The following CNTNAP2 variants were observed in gnomAD, a reference collection of about 807,000 sequenced individuals.
CNTNAP2 encodes the protein contactin-associated protein-like 2.
A neutral mutation model predicts 155.2 loss-of-function variants in CNTNAP2; 98 were observed. The observed-to-expected ratio is 0.63, with a 90% CI of 0.54 to 0.75. The LOEUF (loss-of-function observed/expected upper bound fraction) is 0.75. CNTNAP2 is among the 30% of genes least tolerant of loss of function. CNTNAP2 has a pLI of 0.00. For missense variants in CNTNAP2, 1,727 were observed against 1,688.1 expected (o/e 1.02, Z -0.40); for synonymous variants, 651 against 631.2 (o/e 1.03, Z -0.47).
chr7:147,395,992 T>C (rs527300572), intron 10 of CNTNAP2, among the ~76,000 whole-genome samples: 2 of 149,596 alleles, frequency 1.3e-5, no homozygotes, highest in Non-Finnish European at 1.5e-5. Flanking sequence ...ATATCTATCA[T>C]GTATATCATA....
chr7:146,428,758 A>T (rs552234992), intron 1 of CNTNAP2, among the ~76,000 whole-genome samples: 1 of 152,118 alleles, frequency 6.6e-6, no homozygotes, highest in East Asian at 1.9e-4. Context: ...GCTTAATTAG[A>T]TTCCACTTGT....
intron 12 of CNTNAP2, among the ~76,000 whole-genome samples, chr7:147,610,988 C>T (rs1362089287): frequency 2.6e-5 from 4 of 152,140 alleles, no homozygotes; most frequent in Non-Finnish European, 4.4e-5. Context: ...GATCTGCCCA[C>T]CTCAGCCTCC....
At chr7:147,688,422 C>T (rs1796045363) in intron 13 of CNTNAP2, among the ~76,000 whole-genome samples, 1 of 152,154 alleles carries the variant, frequency 6.6e-6, no homozygotes, top group Non-Finnish European at 1.5e-5. Flanking sequence ...CATTTCCACC[C>T]CTACTTATCT....
intron 1 of CNTNAP2, among the ~76,000 whole-genome samples, chr7:146,685,536 G>A (rs951578437): frequency 6.6e-6 from 1 of 152,146 alleles, no homozygotes; most frequent in African/African-American, 2.4e-5. Context: ...TATGACTTTT[G>A]TGACTATCTT....
At chr7:147,268,287 T>C (rs1397521640) in intron 8 of CNTNAP2, among the ~76,000 whole-genome samples, 1 of 152,146 alleles carries the variant, frequency 6.6e-6, no homozygotes, top group Admixed American at 6.5e-5. Flanking sequence ...TACATACAGA[T>C]AATGACCAAA....
chr7:146,865,548 A>G (rs1795188120), intron 3 of CNTNAP2, among the ~76,000 whole-genome samples: 1 of 152,188 alleles, frequency 6.6e-6, no homozygotes, highest in South Asian at 2.1e-4. Context: ...TTAAATGCAG[A>G]AGAGAATAGT....
intron 1 of CNTNAP2, among the ~76,000 whole-genome samples, chr7:146,496,267 C>T (rs1240515955): frequency 5.9e-5 from 9 of 152,088 alleles, no homozygotes; most frequent in Admixed American, 5.9e-4. Flanking sequence ...TACGCGTGGA[C>T]ATGTGCTGAT....
chr7:146,799,240 C>T (rs1158072183), intron 2 of CNTNAP2, among the ~76,000 whole-genome samples: 1 of 151,920 alleles, frequency 6.6e-6, no homozygotes, highest in African/African-American at 2.4e-5. Context: ...GGGGACCTTC[C>T]CTTGACTAAA....
At chr7:148,001,029 C>G (rs774651784) in intron 15 of CNTNAP2, among the ~76,000 whole-genome samples, 17 of 152,206 alleles carry the variant, frequency 1.1e-4, no homozygotes, top group Non-Finnish European at 2.1e-4. Flanking sequence ...AGTGTCCTTT[C>G]TGTCTCATGT....
intron 3 of CNTNAP2, among the ~76,000 whole-genome samples, chr7:147,040,127 A>G (rs1325873943): frequency 3.3e-5 from 5 of 152,206 alleles, no homozygotes; most frequent in Non-Finnish European, 5.9e-5. Flanking sequence ...CAACCCTGCT[A>G]AAAAGTGGGA....
chr7:146,962,137 C>G (rs937900832), intron 3 of CNTNAP2, among the ~76,000 whole-genome samples: 1 of 152,080 alleles, frequency 6.6e-6, no homozygotes, highest in Non-Finnish European at 1.5e-5. Context: ...TTGATCTTTA[C>G]TGTTGTGAGA....
chr7:146,707,282 C>A (rs1800982828), intron 1 of CNTNAP2, among the ~76,000 whole-genome samples: 1 of 152,124 alleles, frequency 6.6e-6, no homozygotes, highest in Non-Finnish European at 1.5e-5. Context: ...TTCACGGCCA[C>A]CTCTTATGCC....
At chr7:147,057,265 C>G (rs571277005) in intron 4 of CNTNAP2, among the ~76,000 whole-genome samples, 23 of 152,308 alleles carry the variant, frequency 1.5e-4, no homozygotes, top group African/African-American at 5.3e-4. Flanking sequence ...GACTTGCCCA[C>G]AAACAGCTGA....
At chr7:147,028,987 G>A (rs113574880) in intron 3 of CNTNAP2, among the ~76,000 whole-genome samples, 19,932 of 131,138 alleles carry the variant, frequency 0.15, 2,565 homozygotes, top group African/African-American at 0.35. Flanking sequence ...TTTTTGAGAC[G>A]GAGTCTCGCT....
chr7:146,867,484 C>T (rs1345347110), intron 3 of CNTNAP2, among the ~76,000 whole-genome samples: 1 of 151,964 alleles, frequency 6.6e-6, no homozygotes, highest in Non-Finnish European at 1.5e-5. Flanking sequence ...ATGAACATCA[C>T]GTGCATGTGT....
At chr7:148,300,253 G>C (rs1435294087) in intron 21 of CNTNAP2, among the ~76,000 whole-genome samples, 2 of 152,150 alleles carry the variant, frequency 1.3e-5, no homozygotes, top group African/African-American at 4.8e-5. Flanking sequence ...GGATTCTTAA[G>C]GGACAACCTT....
intron 13 of CNTNAP2, among the ~76,000 whole-genome samples, chr7:147,658,562 G>A (rs947523249): frequency 6.6e-5 from 10 of 152,168 alleles, no homozygotes; most frequent in African/African-American, 2.2e-4. Flanking sequence ...TTGCTGAAAG[G>A]ACTGGACACT....
chr7:148,391,515 G>A (rs773803836), intron 22 of CNTNAP2, among the ~76,000 whole-genome samples: 3 of 133,274 alleles, frequency 2.3e-5, no homozygotes, highest in Non-Finnish European at 4.6e-5. Context: ...TTCCCTCTTT[G>A]ATAATAAGTA....
rs186464773 is a variant in CNTNAP2 at position 146,692,414 on chromosome 7, G to A, written c.98-81857G>A. 4.6e-5 allele frequency among the ~76,000 whole-genome samples: 7 copies of A among 152,250 alleles called. No homozygotes were observed. The East Asian group carries it at 1.2e-3, about 25-fold the overall frequency. On this transcript the variant is annotated intron_variant, in intron 1 of 23. Transcript: ENST00000361727. Reference sequence around the variant, plus strand: ...AGTTATCCTGTTGGAAACTGCATAAGCATCTAATCAGTGCTTGCTAATTGT... The same window carrying A: ...AGTTATCCTGTTGGAAACTGCATAAACATCTAATCAGTGCTTGCTAATTGT...
Sources: gnomAD v4.1 joint callset for allele counts (sites outside exome capture counted in the v4.1 genomes callset) on GRCh38, gnomAD v4.1.1 for gene constraint, MANE v1.5 for transcripts, NCBI Gene and HGNC (gene_info 2026-07-23, HGNC 2026-07-21) for gene names.